The following N4BP2L2 variants were observed in gnomAD, a reference collection of about 807,000 sequenced individuals.
N4BP2L2 encodes NEDD4-binding protein 2-like 2.
N4BP2L2 carries 50 observed loss-of-function variants against 56.2 expected under a neutral mutation model. The ratio of observed to expected loss-of-function variants is 0.89; its 90% CI spans 0.71 to 1.13. The LOEUF (loss-of-function observed/expected upper bound fraction) is 1.13, where lower values mean the gene tolerates loss of function less well. Ranked by LOEUF, N4BP2L2 falls within the 50% of genes most tolerant of loss-of-function variation. The probability of loss-of-function intolerance (pLI) is 0.00; values close to 1 mark genes in which losing one functional copy is unlikely to be tolerated. For missense variants in N4BP2L2, 689 were observed against 693.8 expected (o/e 0.99, Z 0.08); for synonymous variants, 203 against 223.6 (o/e 0.91, Z 0.82).
At chr13:32,468,067 G>A (rs934468448) in intron 6 of N4BP2L2, among the ~76,000 whole-genome samples, 4 of 152,118 alleles carry the variant, frequency 2.6e-5, no homozygotes, top group African/African-American at 9.7e-5. Flanking sequence ...CTCACAAGTG[G>A]AAATGTCAAA....
intron 6 of N4BP2L2, chr13:32,444,191 A>G (rs1337376292): frequency 2.4e-6 from 3 of 1,225,222 alleles, no homozygotes; most frequent in Non-Finnish European, 3.3e-6. Flanking sequence ...GCAAACTATA[A>G]CATCATACTC....
chr13:32,536,019 AT>A lies in N4BP2L2; in HGVS notation c.1008del (p.Glu336AspfsTer26), dbSNP rs1566196335. ...CTCCTATTCTCACTACAGTCAGTAT[AT>A]TCATTGTTCTGATCAAAAGTCATGC... On this transcript the variant is annotated frameshift_variant, in exon 2 of 6. Transcript: ENST00000267068. LOFTEE classifies it high-confidence loss of function. 6.2e-7 allele frequency: 1 copy of A among 1,614,010 alleles called. No homozygotes were observed. Among genetic ancestry groups the A allele is most frequent in the South Asian group, 1.1e-5 (1 of 91,086 alleles).
intron 5 of N4BP2L2, among the ~76,000 whole-genome samples, chr13:32,518,982 A>G (rs2050004010): frequency 6.6e-6 from 1 of 152,202 alleles, no homozygotes; most frequent in Non-Finnish European, 1.5e-5. Flanking sequence ...TACAGGAAAC[A>G]TATTTTTACA....
chr13:32,464,627 A>T (rs1208268792), intron 6 of N4BP2L2, among the ~76,000 whole-genome samples: 1 of 152,116 alleles, frequency 6.6e-6, no homozygotes, highest in Non-Finnish European at 1.5e-5. Context: ...TGCTTCTCCA[A>T]CCATTCCAAT....
rs973776173 is a variant in N4BP2L2 at position 32,481,185 on chromosome 13, G to T, written c.365+36672C>A. 2.9e-5 allele frequency among the ~76,000 whole-genome samples: 3 copies of T among 103,124 alleles called. No homozygotes were observed. The East Asian group carries it at 9.1e-4, about 31-fold the overall frequency. The allele number at this position is 103,124 out of a possible 152,430, so 67.7% of individuals were successfully genotyped here. A position where few individuals can be genotyped will look rare whatever the true frequency, so the allele number is the denominator to read the frequency against. Reference sequence around the variant, plus strand: ...TTTAGATTGTGTTCTGCCTTTAAAAGTCCCCTAAATATCTTTAGGATTAAA... The same window carrying T: ...TTTAGATTGTGTTCTGCCTTTAAAATTCCCCTAAATATCTTTAGGATTAAA... On this transcript the variant is annotated intron_variant, in intron 6 of 9. Transcript: ENST00000357505.
Position 32,443,065 on chromosome 13 carries a change from C to T in N4BP2L2, c.1427G>A (p.Arg476Lys), listed in dbSNP as rs764194422. Residue 476 changes from arginine to lysine, a missense_variant, in exon 7 of 10, where the codon AGG (arginine) becomes AAG (lysine). Coordinates refer to the N4BP2L2 transcript ENST00000357505. ...AAAATTTGGTACCAAATTGAAAATC[C>T]TTTTCTTCCTCCTTTTCTTATTTTT... is the stretch of plus-strand genomic sequence containing the variant. 5.0e-6 allele frequency: 8 copies of T among 1,606,784 alleles called. No homozygotes were observed. In the African/African-American group the frequency reaches 5.4e-5, roughly 11 times the overall value.
chr13:32,435,701 C>T (rs527776619), intron 9 of N4BP2L2, among the ~76,000 whole-genome samples: 1 of 152,132 alleles, frequency 6.6e-6, no homozygotes, highest in Non-Finnish European at 1.5e-5. Flanking sequence ...TCAGGGGAAG[C>T]AGGATTAAAA....
At chr13:32,521,306 A>C in intron 5 of N4BP2L2, 67 bp downstream of exon 5, 1 of 1,199,522 alleles carries the variant, frequency 8.3e-7, no homozygotes, top group Non-Finnish European at 1.2e-6. Flanking sequence ...TAAACTGTGA[A>C]AGGATGTCAG....
chr13:32,484,454 T>C (rs1281133663), intron 6 of N4BP2L2, among the ~76,000 whole-genome samples: 1 of 152,188 alleles, frequency 6.6e-6, no homozygotes, highest in African/African-American at 2.4e-5. Context: ...AATAAAGTCA[T>C]TTGCTTCTTA....
intron 6 of N4BP2L2, among the ~76,000 whole-genome samples, chr13:32,447,248 A>T (rs1171097796): frequency 6.6e-6 from 1 of 152,166 alleles, no homozygotes; most frequent in Non-Finnish European, 1.5e-5. Flanking sequence ...ATCAAAAAAG[A>T]AACAACAAGA....
intron 7 of N4BP2L2, chr13:32,438,867 G>A (rs1000452889): frequency 3.5e-5 from 22 of 629,720 alleles, no homozygotes; most frequent in Non-Finnish European, 5.5e-5. Flanking sequence ...ATATTTCGGT[G>A]ATGTCTAAAG....
exon 7 of N4BP2L2, chr13:32,442,920 G>C: frequency 6.2e-7 from 1 of 1,612,664 alleles, no homozygotes; most frequent in Non-Finnish European, 8.5e-7. Context: ...CCTCTTCACT[G>C]TTCCTTTCTG....
intron 4 of N4BP2L2, chr13:32,521,668 C>T (rs185030587): frequency 4.5e-6 from 2 of 445,446 alleles, no homozygotes; most frequent in African/African-American, 2.1e-5. Flanking sequence ...AGATTACTAT[C>T]CTTAAGGAAA....
At chr13:32,518,825 A>G (rs2049943579) in intron 5 of N4BP2L2, among the ~76,000 whole-genome samples, 1 of 152,154 alleles carries the variant, frequency 6.6e-6, no homozygotes, top group Non-Finnish European at 1.5e-5. Context: ...TTGTTAAGTT[A>G]TATATTTATA....
exon 6 of N4BP2L2, chr13:32,516,386 CA>C (rs1330958970): frequency 2.6e-5 from 4 of 152,068 alleles, no homozygotes; most frequent in Admixed American, 6.5e-5. Flanking sequence ...AATATTCATT[CA>C]AATGTTAACA....
At chr13:32,441,458 T>A (rs1262160718) in intron 7 of N4BP2L2, among the ~76,000 whole-genome samples, 2 of 142,178 alleles carry the variant, frequency 1.4e-5, no homozygotes, top group African/African-American at 5.2e-5. Context: ...CTGAGGCGGG[T>A]AGATCACCTG....
At chr13:32,491,678 C>T (rs562661147) in intron 6 of N4BP2L2, among the ~76,000 whole-genome samples, 1 of 147,152 alleles carries the variant, frequency 6.8e-6, no homozygotes, top group African/African-American at 2.5e-5. Context: ...GTCGCCCAGG[C>T]TGGAGTGCAG....
chr13:32,462,402 A>T (rs1026994667), intron 6 of N4BP2L2, among the ~76,000 whole-genome samples: 18 of 152,230 alleles, frequency 1.2e-4, no homozygotes, highest in African/African-American at 4.3e-4. Flanking sequence ...GATCTCATGG[A>T]GGTTGAAAGT....
chr13:32,534,530 T>C (rs1018405198), intron 2 of N4BP2L2, among the ~76,000 whole-genome samples: 4 of 152,160 alleles, frequency 2.6e-5, no homozygotes, highest in Non-Finnish European at 4.4e-5. Flanking sequence ...TCTATTATTA[T>C]AGAGGTGAAA....
Sources: gnomAD v4.1 joint callset for allele counts (sites outside exome capture counted in the v4.1 genomes callset) on GRCh38, gnomAD v4.1.1 for gene constraint, MANE v1.5 for transcripts, NCBI Gene and HGNC (gene_info 2026-07-23, HGNC 2026-07-21) for gene names.